Variants in HECTD4 observed in about 807,000 individuals in gnomAD.
The protein encoded by HECTD4 is probable E3 ubiquitin-protein ligase HECTD4.
Under a neutral mutation model 471.5 loss-of-function variants are expected in HECTD4, and 114 were observed. The observed-to-expected ratio is 0.24, with a 90% CI of 0.21 to 0.28. The LOEUF (loss-of-function observed/expected upper bound fraction) is 0.28, where lower values mean the gene tolerates loss of function less well. Ranked by LOEUF, HECTD4 falls within the 10% of genes least tolerant of loss-of-function variation. The pLI, the probability that HECTD4 is intolerant of heterozygous loss-of-function variation, is 1.00. For synonymous variants in HECTD4, 2,012 were observed against 2,256.0 expected (o/e 0.89, Z 3.07); for missense variants, 3,866 against 5,651.5 (o/e 0.68, Z 10.13).
Position 112,273,586 on chromosome 12 carries a change from C to T in HECTD4, c.1942+69G>A. 4 of 1,465,886 alleles carry T rather than the reference C, an allele frequency of 2.7e-6. No homozygotes were observed. The South Asian group carries it at 4.8e-5, about 17-fold the overall frequency. 90.8% of individuals were successfully genotyped at this position (1,465,886 alleles called of 1,614,324 possible). On this transcript the variant is annotated intron_variant, in intron 11 of 75. Coordinates refer to ENST00000682272, the MANE Select transcript of HECTD4 (RefSeq NM_001388303.1). The stretch of plus-strand genomic sequence containing the variant: ...TGGGGTTGGGCTATGTTTTCACCTA[C>T]TAATGCTGTGGTATTCTCTCATATT...
chr12:112,198,373 CAG>C (rs1183428785), intron 55 of HECTD4, among the ~76,000 whole-genome samples: 1 of 152,160 alleles, frequency 6.6e-6, no homozygotes, highest in African/African-American at 2.4e-5. Flanking sequence ...GTGAGCACCA[CAG>C]AGGAGGGGCT....
At chr12:112,232,004 G>A (rs898898817) in intron 38 of HECTD4, among the ~76,000 whole-genome samples, 8 of 152,036 alleles carry the variant, frequency 5.3e-5, no homozygotes, top group African/African-American at 1.4e-4. Flanking sequence ...AGTGTATCGC[G>A]GAGACTCTTC....
intron 52 of HECTD4, among the ~76,000 whole-genome samples, chr12:112,207,034 G>A (rs913923817): frequency 6.6e-6 from 1 of 152,082 alleles, no homozygotes; most frequent in Non-Finnish European, 1.5e-5. Flanking sequence ...GAAGATTAGG[G>A]AACAATAATC....
chr12:112,266,109 A>G, intron 14 of HECTD4, 126 bp from the exon 15 acceptor site: 1 of 643,448 alleles, frequency 1.6e-6, no homozygotes, highest in Non-Finnish European at 2.7e-6. Context: ...ACGGACTTAT[A>G]CAAATAAGAG....
intron 52 of HECTD4, among the ~76,000 whole-genome samples, chr12:112,204,945 C>G (rs570277671): frequency 1.4e-4 from 22 of 151,808 alleles, no homozygotes; most frequent in Non-Finnish European, 2.8e-4. Context: ...CCAGCCTGAC[C>G]AACATGGTGA....
rs372185751 is a variant in HECTD4 at position 112,193,710 on chromosome 12, C to G, written c.8750-36G>C. The G allele has an allele frequency of 1.3e-6, 2 of 1,567,154 alleles. No individual in the cohort carries two copies. On this transcript the variant is annotated intron_variant, in intron 56 of 75. Transcript: ENST00000682272. The surrounding 1 kb of genome is among the most constrained non-coding windows in gnomAD (Gnocchi z 5.2). ...AAAGGAAACAGAAGTTGACAAGAAT[C>G]AAAGCAGCCAGTAGCTGTGAGAGTC...
chr12:112,271,717 C>T (rs1199315469), intron 11 of HECTD4, among the ~76,000 whole-genome samples: 1 of 152,170 alleles, frequency 6.6e-6, no homozygotes, highest in African/African-American at 2.4e-5. Flanking sequence ...GCTGTTGAGC[C>T]ACTCTACTGA....
chr12:112,343,588 G>A (rs1174922503), intron 1 of HECTD4, among the ~76,000 whole-genome samples: 5 of 151,942 alleles, frequency 3.3e-5, no homozygotes, highest in African/African-American at 4.8e-5. Context: ...TGGGCAACAC[G>A]GCAAGACCTC....
intron 18 of HECTD4, among the ~76,000 whole-genome samples, 193 bp downstream of exon 18, chr12:112,261,112 G>A (rs1051006032): frequency 2.0e-5 from 3 of 152,126 alleles, no homozygotes; most frequent in Admixed American, 1.3e-4. Flanking sequence ...ATGGCTGTTG[G>A]CCCAATCTCA....
chr12:112,277,697 T>C (rs1455237383), intron 9 of HECTD4, among the ~76,000 whole-genome samples: 2 of 152,234 alleles, frequency 1.3e-5, no homozygotes, highest in Non-Finnish European at 2.9e-5. Flanking sequence ...TGTGCATGAA[T>C]AGAGAATACT....
chr12:112,175,874 T>G lies in HECTD4; in HGVS notation c.11471-15A>C. Reference sequence around the variant, plus strand: ...TTCCTCAGGGACTGGTGGAAAGGGTTCAGTGTGAGGAATCTGGTGAGACCT... The same window carrying G: ...TTCCTCAGGGACTGGTGGAAAGGGTGCAGTGTGAGGAATCTGGTGAGACCT... On this transcript the variant is annotated splice_polypyrimidine_tract_variant and intron_variant, in intron 65 of 75. Coordinates refer to ENST00000682272, the MANE Select transcript of HECTD4 (RefSeq NM_001388303.1). 1.2e-6 allele frequency: 2 copies of G among 1,612,732 alleles called. No individual in the cohort carries two copies. Among genetic ancestry groups the G allele is most frequent in the Non-Finnish European group, 1.7e-6 (2 of 1,179,556 alleles).
chr12:112,364,147 G>A (rs926449407), intron 1 of HECTD4, among the ~76,000 whole-genome samples: 1 of 152,018 alleles, frequency 6.6e-6, no homozygotes, highest in African/African-American at 2.4e-5. Context: ...GCTCACGCCT[G>A]TAATCCCAGC....
intron 67 of HECTD4, among the ~76,000 whole-genome samples, chr12:112,171,579 T>A (rs576285860): frequency 6.6e-6 from 1 of 152,148 alleles, no homozygotes; most frequent in Non-Finnish European, 1.5e-5. Flanking sequence ...AATAATAATA[T>A]AGGAGGTTGC....
chr12:112,366,966 C>T (rs1299984878), intron 1 of HECTD4, among the ~76,000 whole-genome samples: 1 of 149,960 alleles, frequency 6.7e-6, no homozygotes, highest in Non-Finnish European at 1.5e-5. Context: ...GGGTACACTG[C>T]CAATACTACT....
chr12:112,323,994 C>T (rs1484920353), intron 1 of HECTD4, among the ~76,000 whole-genome samples: 13 of 38,592 alleles, frequency 3.4e-4, no homozygotes, highest in African/African-American at 2.4e-3. Flanking sequence ...TCCTTCCTTC[C>T]TTCCTTCCTT....
intron 1 of HECTD4, among the ~76,000 whole-genome samples, chr12:112,354,188 T>G (rs1222123035): frequency 6.6e-6 from 1 of 152,076 alleles, no homozygotes; most frequent in African/African-American, 2.4e-5. Flanking sequence ...TCCTCCCACC[T>G]CAGCCTCTTG....
Position 112,172,551 on chromosome 12 carries a change from G to C in HECTD4, c.11785+120C>G, listed in dbSNP as rs2031268706. The C allele has an allele frequency of 3.0e-5, 28 of 939,912 alleles. No individual in the cohort carries two copies. In the South Asian group the frequency reaches 4.3e-4, roughly 14 times the overall value. 58.2% of individuals were successfully genotyped at this position (939,912 alleles called of 1,614,324 possible). A position where few individuals can be genotyped will look rare whatever the true frequency, so the allele number is the denominator to read the frequency against. Reference sequence around the variant, plus strand: ...TTCCTTGCACACCTGGCGCATAGCAGGTGTTCATAAGTGTTCGTTCGATGG... The same window carrying C: ...TTCCTTGCACACCTGGCGCATAGCACGTGTTCATAAGTGTTCGTTCGATGG... On this transcript the variant is annotated intron_variant, in intron 67 of 75. Coordinates refer to ENST00000682272, the MANE Select transcript of HECTD4 (RefSeq NM_001388303.1).
intron 1 of HECTD4, among the ~76,000 whole-genome samples, chr12:112,331,307 G>A (rs780157698): frequency 6.6e-6 from 1 of 152,172 alleles, no homozygotes; most frequent in Non-Finnish European, 1.5e-5. Context: ...CTGACCTCAG[G>A]TGATCCTCCT....
intron 1 of HECTD4, among the ~76,000 whole-genome samples, chr12:112,376,679 G>A (rs999720500): frequency 6.6e-6 from 1 of 152,156 alleles, no homozygotes; most frequent in Admixed American, 6.5e-5. Context: ...CAAATATGCT[G>A]AGGACGCTTC....
Sources: gnomAD v4.1 joint callset for allele counts (sites outside exome capture counted in the v4.1 genomes callset) on GRCh38, gnomAD v4.1.1 for gene constraint, Gnocchi (gnomAD v3.1) non-coding constraint, MANE v1.5 for transcripts, NCBI Gene and HGNC (gene_info 2026-07-23, HGNC 2026-07-21) for gene names.